Variants in RNF144A observed in about 807,000 individuals in gnomAD.
The protein encoded by RNF144A is ring finger protein 144A.
In RNF144A, 11 loss-of-function variants were observed where a neutral mutation model predicts 38.7. The ratio of observed to expected loss-of-function variants is 0.28; its 90% confidence interval spans 0.18 to 0.47. The LOEUF is 0.47. Among genes scored for constraint, RNF144A ranks in the 20% least tolerant of loss-of-function variants. RNF144A has a pLI of 0.99. For missense variants in RNF144A, 316 were observed against 377.2 expected (o/e 0.84, Z 1.34); for synonymous variants, 149 against 143.9 (o/e 1.04, Z -0.25).
chr2:7,073,972 C>T, the RNF144A span, among the ~76,000 whole-genome samples: 1 of 152,190 alleles, frequency 6.6e-6, no homozygotes, highest in African/African-American at 2.4e-5. Flanking sequence ...AGCGTGTGTT[C>T]GTTTATCATC....
intron 6 of RNF144A, among the ~76,000 whole-genome samples, chr2:7,022,775 C>T (rs961506024): frequency 2.0e-5 from 3 of 152,184 alleles, no homozygotes; most frequent in South Asian, 2.1e-4. Flanking sequence ...AAGGTTTACT[C>T]GGAGCTGGCT....
chr2:6,994,096 A>G (rs1021135971), intron 2 of RNF144A, among the ~76,000 whole-genome samples: 2 of 152,234 alleles, frequency 1.3e-5, no homozygotes, highest in African/African-American at 4.8e-5. Flanking sequence ...ATTTGAAGCC[A>G]GGTCTGCTTG....
intron 1 of RNF144A, among the ~76,000 whole-genome samples, chr2:6,934,241 C>G (rs1487838180): frequency 6.6e-6 from 1 of 152,130 alleles, no homozygotes; most frequent in Non-Finnish European, 1.5e-5. Flanking sequence ...CTTTTTACTT[C>G]ATGTCTTTAA....
Position 6,962,429 on chromosome 2 carries a change from T to C in RNF144A, c.-12+21282T>C, listed in dbSNP as rs143939007. 2.2e-3 allele frequency among the ~76,000 whole-genome samples: 332 copies of C among 152,298 alleles called. 5 individuals are homozygous for C. Among genetic ancestry groups the C allele is most frequent in the Non-Finnish European group, 1.6e-4 (11 of 68,018 alleles). ...TGGCTTCCTTATTTATGTTTGCAGCTCCATTTCTCAGGCTGTTCTTTGTTA... is the reference window on the plus strand; with the variant it reads ...TGGCTTCCTTATTTATGTTTGCAGCCCCATTTCTCAGGCTGTTCTTTGTTA... On this transcript the variant is annotated intron_variant, in intron 2 of 8. Coordinates refer to ENST00000320892, the MANE Select transcript of RNF144A (RefSeq NM_014746.6). This position sits in a 1 kb window ranked among gnomAD's most constrained non-coding sequence, Gnocchi z 4.1.
intron 1 of RNF144A, among the ~76,000 whole-genome samples, chr2:6,925,304 C>T (rs907842427): frequency 3.9e-5 from 6 of 152,186 alleles, no homozygotes; most frequent in African/African-American, 1.4e-4. Context: ...GAAGCACTAT[C>T]CAAGGCCCTG....
At chr2:6,965,211 A>G (rs920983651) in intron 2 of RNF144A, among the ~76,000 whole-genome samples, 11 of 152,224 alleles carry the variant, frequency 7.2e-5, no homozygotes, top group Admixed American at 2.6e-4. Flanking sequence ...TTGCAGACAC[A>G]TGCACTGGGA....
intron 1 of RNF144A, among the ~76,000 whole-genome samples, chr2:6,928,140 A>C (rs1347387246): frequency 6.6e-6 from 1 of 152,238 alleles, no homozygotes; most frequent in Admixed American, 6.5e-5. Context: ...TGTATTATTC[A>C]GACTCAACTG....
At chr2:7,035,002 G>A (rs1451401096) in intron 8 of RNF144A, among the ~76,000 whole-genome samples, 1 of 152,174 alleles carries the variant, frequency 6.6e-6, no homozygotes, top group Non-Finnish European at 1.5e-5. Context: ...TGCTCAGACG[G>A]GGCATAACCT....
chr2:7,006,904 C>T (rs1489550063), intron 3 of RNF144A, among the ~76,000 whole-genome samples: 5 of 152,132 alleles, frequency 3.3e-5, no homozygotes, highest in Non-Finnish European at 1.5e-5. Flanking sequence ...AATTTGATGT[C>T]TATTAAGGGT....
chr2:7,009,517 A>G lies in RNF144A; in HGVS notation c.136-4937A>G, dbSNP rs537134717. On this transcript the variant is annotated intron_variant, in intron 3 of 8. Coordinates refer to ENST00000320892, the MANE Select transcript of RNF144A (RefSeq NM_014746.6). ...AGATGGGAGCGTTTATTTTACGCATAAAGTCTGGGGCTTTTTTTTTTTCAA... is the reference window on the plus strand; with the variant it reads ...AGATGGGAGCGTTTATTTTACGCATGAAGTCTGGGGCTTTTTTTTTTTCAA... Among the ~76,000 whole-genome samples the G allele has an allele frequency of 8.9e-5, 9 of 101,652 alleles. No individual in the cohort carries two copies. In the South Asian group the frequency reaches 2.5e-3, roughly 28 times the overall value. The allele number at this position is 101,652 out of a possible 152,430, so 66.7% of individuals were successfully genotyped here.
intron 2 of RNF144A, among the ~76,000 whole-genome samples, chr2:6,982,121 C>T (rs1286859621): frequency 6.6e-6 from 1 of 152,152 alleles, no homozygotes; most frequent in African/African-American, 2.4e-5. Context: ...CAGGTCTGTT[C>T]ATGGACAGAT....
At chr2:7,012,411 G>A (rs144809892) in intron 3 of RNF144A, among the ~76,000 whole-genome samples, 39 of 152,264 alleles carry the variant, frequency 2.6e-4, no homozygotes, top group Middle Eastern at 3.4e-3. Flanking sequence ...GTCAAGTGCA[G>A]GGAGATGGGC....
intron 2 of RNF144A, among the ~76,000 whole-genome samples, chr2:6,989,126 A>G (rs1212476472): frequency 1.3e-5 from 2 of 152,228 alleles, no homozygotes; most frequent in African/African-American, 4.8e-5. Context: ...CTGGGATGTC[A>G]TTCCTTCTGT....
At chr2:7,051,352 G>A (rs1290848276) in intron 6 of RNF144A, among the ~76,000 whole-genome samples, 1 of 152,166 alleles carries the variant, frequency 6.6e-6, no homozygotes, top group Admixed American at 6.5e-5. Flanking sequence ...GGGGTAGAGC[G>A]GTAAGGGACA....
chr2:6,937,256 A>C (rs1665651358), intron 1 of RNF144A, among the ~76,000 whole-genome samples: 2 of 152,178 alleles, frequency 1.3e-5, no homozygotes, highest in South Asian at 2.1e-4. Flanking sequence ...ATGCTATGGC[A>C]CTTCATTAGC....
chr2:7,001,366 T>C (rs939546553), intron 3 of RNF144A, among the ~76,000 whole-genome samples: 8 of 148,734 alleles, frequency 5.4e-5, no homozygotes, highest in African/African-American at 1.7e-4. Context: ...AAAATTAAAA[T>C]AAATAAAAAA....
intron 3 of RNF144A, among the ~76,000 whole-genome samples, chr2:7,001,027 C>T (rs1670066664): frequency 6.6e-6 from 1 of 152,124 alleles, no homozygotes; most frequent in Admixed American, 6.5e-5. Context: ...TGGCCAGGCA[C>T]AGTGGCTCAT....
intron 3 of RNF144A, among the ~76,000 whole-genome samples, chr2:7,009,820 G>A (rs1385957929): frequency 6.6e-6 from 1 of 152,194 alleles, no homozygotes; most frequent in Non-Finnish European, 1.5e-5. Context: ...TGGCCCTGCG[G>A]TGGTGGTGTG....
At chr2:6,919,384 T>C (rs1214609300) in intron 1 of RNF144A, among the ~76,000 whole-genome samples, 1 of 152,248 alleles carries the variant, frequency 6.6e-6, no homozygotes, top group African/African-American at 2.4e-5. Flanking sequence ...TTTGCACTTT[T>C]CTAATGCCTT....
Sources: allele counts gnomAD v4.1 joint callset (sites outside exome capture counted in the v4.1 genomes callset), GRCh38; gene constraint gnomAD v4.1.1; non-coding constraint Gnocchi (gnomAD v3.1); transcripts MANE v1.5; gene names NCBI Gene and HGNC (gene_info 2026-07-23, HGNC 2026-07-21).